PCGF5: variants seen among roughly 807,000 people sequenced by gnomAD.
PCGF5 encodes polycomb group RING finger protein 5.
A neutral mutation model predicts 44.3 loss-of-function variants in PCGF5; 9 were observed. The ratio of observed to expected loss-of-function variants is 0.20; its 90% CI spans 0.12 to 0.35. The LOEUF is 0.35. Ranked by LOEUF, PCGF5 falls within the 10% of genes least tolerant of loss-of-function variation. PCGF5 has a pLI of 1.00. For synonymous variants in PCGF5, 95 were observed against 102.5 expected (o/e 0.93, Z 0.44); for missense variants, 146 against 305.3 (o/e 0.48, Z 3.89).
At chr10:91,241,390 G>A (rs981491426) in intron 3 of PCGF5, among the ~76,000 whole-genome samples, 4 of 152,022 alleles carry the variant, frequency 2.6e-5, no homozygotes, top group Non-Finnish European at 4.4e-5. Flanking sequence ...TTTAAAACTG[G>A]AAGTGGTCTA....
chr10:91,237,699 G>A (rs986366905), intron 2 of PCGF5, among the ~76,000 whole-genome samples: 12 of 151,928 alleles, frequency 7.9e-5, no homozygotes, highest in Admixed American at 3.3e-4. Flanking sequence ...AGCCGAGATC[G>A]CGCCACTGCA....
chr10:91,204,610 T>C (rs553198641), intron 1 of PCGF5, among the ~76,000 whole-genome samples: 1 of 152,260 alleles, frequency 6.6e-6, no homozygotes, highest in Admixed American at 6.5e-5. Context: ...GGTTCTCAAG[T>C]CTTGGAAGAT....
chr10:91,199,277 T>G (rs1387780845), intron 1 of PCGF5, among the ~76,000 whole-genome samples: 1 of 152,140 alleles, frequency 6.6e-6, no homozygotes, highest in African/African-American at 2.4e-5. Context: ...GTATCCAGGA[T>G]GTTTATTAGG....
At chr10:91,163,845 G>A (rs1460281312) in intron 1 of PCGF5, among the ~76,000 whole-genome samples, 2 of 151,628 alleles carry the variant, frequency 1.3e-5, no homozygotes, top group East Asian at 3.9e-4. Flanking sequence ...GTGGTGGGGT[G>A]GGGGGGCACG....
rs59254639 is a variant in PCGF5 at position 91,173,578 on chromosome 10, C to CTTTTTTTTTTTTTTTTT, written c.-184+10498_-184+10514dup. Among the ~76,000 whole-genome samples, 259 of 115,574 alleles carry CTTTTTTTTTTTTTTTTT rather than the reference C, an allele frequency of 2.2e-3. 17 individuals are homozygous for CTTTTTTTTTTTTTTTTT. The East Asian group carries it at 0.026, about 12-fold the overall frequency. The allele number at this position is 115,574 out of a possible 152,430, so 75.8% of individuals were successfully genotyped here. On this transcript the variant is annotated intron_variant, in intron 1 of 9. Transcript: ENST00000614189. ...TTATTCTTCTGCTAGAGGGAGTTGG[C>CTTTTTTTTTTTTTTTTT]TTTTTTTTTTTTTTTTTCCCACAGA... is the stretch of plus-strand genomic sequence containing the variant.
At chr10:91,217,423 T>C (rs1844563798), upstream of PCGF5, among the ~76,000 whole-genome samples, 1 of 152,234 alleles carries the variant, frequency 6.6e-6, no homozygotes, top group Admixed American at 6.5e-5. Flanking sequence ...AGTTAATTAA[T>C]GATGTATTTA....
intron 1 of PCGF5, among the ~76,000 whole-genome samples, chr10:91,194,057 G>T (rs1053674136): frequency 6.6e-6 from 1 of 152,180 alleles, no homozygotes; most frequent in African/African-American, 2.4e-5. Flanking sequence ...AGAGATCTGT[G>T]GTGGAGGGAG....
At chr10:91,177,476 T>C (rs991067022) in intron 1 of PCGF5, among the ~76,000 whole-genome samples, 1 of 152,188 alleles carries the variant, frequency 6.6e-6, no homozygotes, top group Non-Finnish European at 1.5e-5. Context: ...TCTGCTGCCT[T>C]TTGTTTGGCT....
At chr10:91,271,797 C>T (rs1410795986) in intron 9 of PCGF5, 100 bp downstream of exon 9, 1 of 984,606 alleles carries the variant, frequency 1.0e-6, no homozygotes, top group East Asian at 2.5e-5. Context: ...CTTTGTAAAA[C>T]TGTTACTGGA....
In PCGF5 at chr10:91,281,533, A is replaced by C. The variant is rs1047567571; in HGVS notation, c.*3217A>C. On this transcript the variant is annotated 3_prime_UTR_variant, in exon 10 of 10. Coordinates refer to ENST00000336126, the MANE Select transcript of PCGF5 (RefSeq NM_032373.5). ...GTACCTGTCTCTTATGAATGGTTTC[A>C]TATCTAAATAGGCTCTTGTAAGTTA... 6.6e-6 allele frequency: 1 copy of C among 152,608 alleles called. No homozygotes were observed. Among genetic ancestry groups the C allele is most frequent in the Admixed American group, 6.5e-5 (1 of 15,284 alleles). The allele number at this position is 152,608 out of a possible 1,614,324, so 9.5% of individuals were successfully genotyped here. A position where few individuals can be genotyped will look rare whatever the true frequency, so the allele number is the denominator to read the frequency against.
chr10:91,213,902 G>C (rs1369126347), intron 1 of PCGF5, among the ~76,000 whole-genome samples: 3 of 152,186 alleles, frequency 2.0e-5, no homozygotes, highest in African/African-American at 7.2e-5. Context: ...AACTGGTGAA[G>C]TCTTAGCCTC....
chr10:91,237,373 TTTACTA>T (rs909701720), intron 2 of PCGF5, among the ~76,000 whole-genome samples: 51 of 152,316 alleles, frequency 3.3e-4, no homozygotes, highest in African/African-American at 1.1e-3. Context: ...AAAGTTGTCT[TTTACTA>T]AAACTATCTG....
At chr10:91,252,660 C>A (rs1456021855) in intron 6 of PCGF5, among the ~76,000 whole-genome samples, 1 of 151,998 alleles carries the variant, frequency 6.6e-6, no homozygotes. Flanking sequence ...TTCTTATGGT[C>A]TTTCCCAAAA....
At chr10:91,163,006 T>G (rs1037362174), upstream of PCGF5, 1 of 143,478 alleles carries the variant, frequency 7.0e-6, no homozygotes, top group African/African-American at 2.5e-5. Context: ...CTCCCTCACC[T>G]ACCGCCCCAC....
intron 5 of PCGF5, among the ~76,000 whole-genome samples, chr10:91,249,405 A>G (rs866387037): frequency 7.2e-5 from 8 of 111,670 alleles, no homozygotes; most frequent in Non-Finnish European, 1.0e-4. Flanking sequence ...ATATATATAT[A>G]TATATATATA....
At chr10:91,210,356 G>A (rs559418992) in intron 1 of PCGF5, among the ~76,000 whole-genome samples, 1 of 152,178 alleles carries the variant, frequency 6.6e-6, no homozygotes, top group African/African-American at 2.4e-5. Flanking sequence ...GTTATAGAAG[G>A]GTGTTTAACG....
exon 1 of PCGF5, chr10:91,163,057 C>G (rs1167115615): frequency 3.4e-5 from 5 of 148,636 alleles, no homozygotes; most frequent in Admixed American, 2.7e-4. Context: ...GCGGCCCGCC[C>G]GGATCGTGGC....
chr10:91,280,457 G>A lies in PCGF5; in HGVS notation c.*2141G>A, dbSNP rs1185272648. On this transcript the variant is annotated 3_prime_UTR_variant, in exon 10 of 10. Coordinates refer to ENST00000336126, the MANE Select transcript of PCGF5 (RefSeq NM_032373.5). ...TATTTTCCAAGGAAATATATAGGAA[G>A]CAATTATGAAACTGAGAATAGTTTT... The A allele has an allele frequency of 6.6e-6, 1 of 152,418 alleles. No individual in the cohort carries two copies. The highest frequency in any genetic ancestry group is 1.5e-5 in the Non-Finnish European group (1 of 67,888). 9.4% of individuals were successfully genotyped at this position (152,418 alleles called of 1,614,324 possible). A position where few individuals can be genotyped will look rare whatever the true frequency, so the allele number is the denominator to read the frequency against.
intron 1 of PCGF5, among the ~76,000 whole-genome samples, chr10:91,181,420 C>T (rs1843817291): frequency 6.6e-6 from 1 of 150,942 alleles, no homozygotes; most frequent in African/African-American, 2.5e-5. Flanking sequence ...GACAGGGCAT[C>T]CTTGTCTTGT....
Sources: gnomAD v4.1 joint callset for allele counts (sites outside exome capture counted in the v4.1 genomes callset) on GRCh38, gnomAD v4.1.1 for gene constraint, MANE v1.5 for transcripts, NCBI Gene and HGNC (gene_info 2026-07-23, HGNC 2026-07-21) for gene names.